AIFM2: variants seen among roughly 807,000 people sequenced by gnomAD.
AIFM2 encodes AIF family member 2, ferroptosis suppressor.
A neutral mutation model predicts 35.7 loss-of-function variants in AIFM2; 38 were observed. That is an observed-to-expected ratio of 1.06 (90% CI 0.82 to 1.39). The LOEUF is 1.39. AIFM2 is among the 40% of genes most tolerant of loss of function. The pLI is 0.00. For synonymous variants in AIFM2, 185 were observed against 203.5 expected (o/e 0.91, Z 0.77); for missense variants, 476 against 491.2 (o/e 0.97, Z 0.29).
intron 6 of AIFM2, 30 bp from the exon 7 acceptor site, chr10:70,116,804 G>A: frequency 6.2e-7 from 1 of 1,611,838 alleles, no homozygotes; most frequent in Non-Finnish European, 8.5e-7. Context: ...CAGGAGGCTG[G>A]TGGGGACAGG....
In AIFM2 at chr10:70,116,734, C is replaced by T. The variant is rs1337120588; in HGVS notation, c.657G>A (p.Glu219=). The T allele has an allele frequency of 1.9e-6, 3 of 1,614,106 alleles. No individual in the cohort carries two copies. Among genetic ancestry groups the T allele is most frequent in the Non-Finnish European group, 2.5e-6 (3 of 1,180,044 alleles). The change falls in exon 7 of 9, where the codon GAG becomes GAA. Residue 219 remains glutamate (E), a synonymous_variant. Coordinates refer to ENST00000307864, the MANE Select transcript of AIFM2 (RefSeq NM_032797.6). ...VSNLEELPLN[E]YREYIKVQTD... The stretch of plus-strand genomic sequence containing the variant: ...TCTGCACTTTGATGTACTCTCGATA[C>T]TCATTGAGAGGCAGCTCCTCCAGAT...
At chr10:70,119,762 G>A (rs1397414632) in intron 5 of AIFM2, among the ~76,000 whole-genome samples, 1 of 152,242 alleles carries the variant, frequency 6.6e-6, no homozygotes, top group Non-Finnish European at 1.5e-5. Context: ...ATGGCTCTCA[G>A]AAGCCGATCT....
In AIFM2 at chr10:70,114,983, T is replaced by C; in HGVS notation, c.907A>G (p.Asn303Asp). 1 of 1,614,226 alleles carries C rather than the reference T, an allele frequency of 6.2e-7. No individual in the cohort carries two copies. The highest frequency in any genetic ancestry group is 8.5e-7 in the Non-Finnish European group (1 of 1,180,036). The part of the protein sequence containing the change: ...KMAYLAGLHA[N>D]IAVANIVNSV... ...TTGACGATGTTGGCCACGGCGATGT[T>C]GGCGTGGAGGCCGGCAAGATAGGCC... Residue 303 changes from asparagine to aspartate, a missense_variant, in exon 8 of 9, where the codon AAC (asparagine) becomes GAC (aspartate). Transcript: ENST00000307864.
Position 70,113,966 on chromosome 10 carries a change from C to T in AIFM2, c.*212G>A. On this transcript the variant is annotated 3_prime_UTR_variant, in exon 9 of 9. Transcript: ENST00000307864. Reference sequence around the variant, plus strand: ...CCAGTACCACAGCAAGCACACCTTCCAAACCCAGAAAGTATCCTCTAAGGG... The same window carrying T: ...CCAGTACCACAGCAAGCACACCTTCTAAACCCAGAAAGTATCCTCTAAGGG... 1 of 627,892 alleles carries T rather than the reference C, an allele frequency of 1.6e-6. No homozygotes were observed. The highest frequency in any genetic ancestry group is 2.2e-5 in the South Asian group (1 of 45,764). 38.9% of individuals were successfully genotyped at this position (627,892 alleles called of 1,614,324 possible).
chr10:70,120,419 T>C (rs2072486623), intron 5 of AIFM2, 88 bp downstream of exon 5: 2 of 1,353,162 alleles, frequency 1.5e-6, no homozygotes, highest in Admixed American at 3.4e-5. Context: ...TCCAGACTTC[T>C]CTGCCCTGAG....
intron 8 of AIFM2, 31 bp from the exon 9 acceptor site, chr10:70,114,360 C>T (rs1407590543): frequency 6.2e-7 from 1 of 1,613,440 alleles, no homozygotes; most frequent in Admixed American, 1.7e-5. Context: ...ACAACCAGAA[C>T]CTCACTGAAC....
intron 5 of AIFM2, 40 bp downstream of exon 5, chr10:70,120,467 C>G: frequency 6.2e-7 from 1 of 1,607,490 alleles, no homozygotes; most frequent in South Asian, 1.1e-5. Context: ...CAGAAAAAAG[C>G]CAACCACTTA....
At chr10:70,115,237 C>T in intron 7 of AIFM2, 117 bp from the exon 8 acceptor site, 6 of 1,113,182 alleles carry the variant, frequency 5.4e-6, no homozygotes, top group Non-Finnish European at 7.8e-6. Context: ...AGGTCACCCT[C>T]CTGAGGCATG....
intron 3 of AIFM2, 107 bp from the exon 4 acceptor site, chr10:70,121,318 G>A (rs1464327035): frequency 3.1e-5 from 43 of 1,404,382 alleles, no homozygotes; most frequent in Non-Finnish European, 3.9e-5. Flanking sequence ...TGCCAGCCGG[G>A]ACAAACCAGG....
chr10:70,118,035 G>A, intron 5 of AIFM2, 115 bp from the exon 6 acceptor site: 1 of 743,138 alleles, frequency 1.3e-6, no homozygotes, highest in Non-Finnish European at 2.3e-6. Context: ...GGAAACTGAA[G>A]CTCCAGAGAA....
intron 1 of AIFM2, among the ~76,000 whole-genome samples, chr10:70,129,126 A>ATTTTTTTTTT (rs35700120): frequency 7.5e-6 from 1 of 133,916 alleles, no homozygotes; most frequent in Non-Finnish European, 1.6e-5. Flanking sequence ...GAGCTGGCTA[A>ATTTTTTTTTT]TTTTTTTTTT....
intron 7 of AIFM2, 51 bp downstream of exon 7, chr10:70,116,571 G>A (rs773628037): frequency 9.3e-6 from 15 of 1,608,800 alleles, no homozygotes; most frequent in Non-Finnish European, 1.3e-5. Flanking sequence ...CATTCAGAGG[G>A]TACTGGAGAG....
chr10:70,119,187 T>A (rs1170780804), intron 5 of AIFM2, among the ~76,000 whole-genome samples: 1 of 152,226 alleles, frequency 6.6e-6, no homozygotes, highest in Non-Finnish European at 1.5e-5. Flanking sequence ...TATGTGCCCC[T>A]TCATCTGAAT....
intron 1 of AIFM2, among the ~76,000 whole-genome samples, chr10:70,126,636 A>G (rs1241977463): frequency 6.6e-6 from 1 of 152,192 alleles, no homozygotes; most frequent in Non-Finnish European, 1.5e-5. Context: ...CTGGTTTCCA[A>G]GACATGGTGG....
chr10:70,132,372 G>A (rs951074971), intron 1 of AIFM2, among the ~76,000 whole-genome samples: 1 of 152,322 alleles, frequency 6.6e-6, no homozygotes, highest in South Asian at 2.1e-4. Flanking sequence ...ACCCTCGGAC[G>A]GTCCTCGCAA....
chr10:70,120,680 G>A (rs2072490855), intron 4 of AIFM2, 81 bp from the exon 5 acceptor site: 1 of 1,513,614 alleles, frequency 6.6e-7, no homozygotes, highest in Non-Finnish European at 9.1e-7. Context: ...AGCCTGTGGT[G>A]TGGCTCCCTG....
chr10:70,117,695 A>G lies in AIFM2; in HGVS notation c.616+117T>C. 1.3e-6 allele frequency: 1 copy of G among 774,150 alleles called. No homozygotes were observed. Among genetic ancestry groups the G allele is most frequent in the Non-Finnish European group, 2.0e-6 (1 of 494,602 alleles). The allele number at this position is 774,150 out of a possible 1,614,324, so 48.0% of individuals were successfully genotyped here. A position where few individuals can be genotyped will look rare whatever the true frequency, so the allele number is the denominator to read the frequency against. ...ATGCTCCACCCCAGGACACAGTGGA[A>G]AAGAGAGAGCCTGGGGTGGACCATA... On this transcript the variant is annotated intron_variant, in intron 6 of 8. Coordinates refer to ENST00000307864, the MANE Select transcript of AIFM2 (RefSeq NM_032797.6). This position sits in a 1 kb window ranked among gnomAD's most constrained non-coding sequence, Gnocchi z 4.7.
chr10:70,114,028 G>T lies in AIFM2; in HGVS notation c.*150C>A. 2.0e-6 allele frequency: 2 copies of T among 1,024,852 alleles called. No homozygotes were observed. The highest frequency in any genetic ancestry group is 2.7e-6 in the Non-Finnish European group (2 of 727,510). The allele number at this position is 1,024,852 out of a possible 1,614,324, so 63.5% of individuals were successfully genotyped here. On this transcript the variant is annotated 3_prime_UTR_variant, in exon 9 of 9. Coordinates refer to ENST00000307864, the MANE Select transcript of AIFM2 (RefSeq NM_032797.6). ...TAATACCTCTCTCTCTCCCATTTTT[G>T]TTTTATACAAGTTGCATTTCTAGCC...
rs1418146666 is a variant in AIFM2 at position 70,131,095 on chromosome 10, G to A, written c.-14+1639C>T. Among the ~76,000 whole-genome samples the A allele has an allele frequency of 6.6e-6, 1 of 152,220 alleles. No homozygotes were observed. The highest frequency in any genetic ancestry group is 1.5e-5 in the Non-Finnish European group (1 of 68,052). On this transcript the variant is annotated intron_variant, in intron 1 of 8. Coordinates refer to ENST00000307864, the MANE Select transcript of AIFM2 (RefSeq NM_032797.6). The surrounding 1 kb of genome is among the most constrained non-coding windows in gnomAD (Gnocchi z 4.1). ...ACATTTATGCCAAAGCTGTTCAGAG[G>A]TTGTGCCTCAGAAGACACACAGCAG...
Sources: allele counts gnomAD v4.1 joint callset (sites outside exome capture counted in the v4.1 genomes callset), GRCh38; gene constraint gnomAD v4.1.1; non-coding constraint Gnocchi (gnomAD v3.1); transcripts MANE v1.5; gene names NCBI Gene and HGNC (gene_info 2026-07-23, HGNC 2026-07-21).